ASCC3: variants seen among roughly 807,000 people sequenced by gnomAD.
ASCC3 encodes the protein ASC-1 complex subunit P200.
Under a neutral mutation model 256.3 loss-of-function variants are expected in ASCC3, and 158 were observed. The ratio of observed to expected loss-of-function variants is 0.62; its 90% CI spans 0.54 to 0.70. ASCC3 has a LOEUF of 0.70. ASCC3 is among the 30% of genes least tolerant of loss of function. The pLI, the probability that ASCC3 is intolerant of heterozygous loss-of-function variation, is 0.00. For missense variants in ASCC3, 2,259 were observed against 2,626.0 expected (o/e 0.86, Z 3.05); for synonymous variants, 948 against 883.4 (o/e 1.07, Z -1.30).
intron 8 of ASCC3, among the ~76,000 whole-genome samples, chr6:100,771,019 T>C (rs1781892852): frequency 6.6e-6 from 1 of 152,046 alleles, no homozygotes; most frequent in Admixed American, 6.5e-5. Flanking sequence ...GAGCTAAAAC[T>C]ACCTGATGTC....
In ASCC3 at chr6:100,590,073, A is replaced by C. The variant is rs115212427; in HGVS notation, c.5304-14T>G. The C allele has an allele frequency of 3.1e-3, 4,799 of 1,560,926 alleles. 127 individuals are homozygous for C. The African/African-American group carries it at 0.057, about 18-fold the overall frequency. ...AAATTGTAATAGCTAGAAAACAAGC[A>C]AGGTTATTATTATTTGTTTCAAGAC... On this transcript the variant is annotated splice_polypyrimidine_tract_variant and intron_variant, in intron 34 of 41. Coordinates refer to ENST00000369162, the MANE Select transcript of ASCC3 (RefSeq NM_006828.4).
At chr6:100,657,577 T>C (rs897603216) in intron 16 of ASCC3, among the ~76,000 whole-genome samples, 5 of 151,416 alleles carry the variant, frequency 3.3e-5, no homozygotes, top group African/African-American at 1.2e-4. Context: ...CATTCCCTTA[T>C]AACCTTAGAA....
intron 36 of ASCC3, among the ~76,000 whole-genome samples, chr6:100,547,424 C>T (rs910676750): frequency 6.6e-6 from 1 of 151,770 alleles, no homozygotes; most frequent in Non-Finnish European, 1.5e-5. Context: ...AAATAAAAGC[C>T]ACAGAGTGAA....
chr6:100,561,947 T>C (rs240771), intron 36 of ASCC3, among the ~76,000 whole-genome samples: 103,965 of 152,022 alleles, frequency 0.68, 36,970 homozygotes, highest in African/African-American at 0.88. Context: ...TTGCATTATT[T>C]TTCTGAGTTA....
chr6:100,630,525 T>C (rs1231252690), intron 26 of ASCC3, among the ~76,000 whole-genome samples: 1 of 151,460 alleles, frequency 6.6e-6, no homozygotes, highest in Non-Finnish European at 1.5e-5. Context: ...TCTTTCCGTA[T>C]AAAAAAATTC....
chr6:100,752,192 A>C (rs1052277580), intron 10 of ASCC3, among the ~76,000 whole-genome samples: 20 of 152,184 alleles, frequency 1.3e-4, no homozygotes, highest in African/African-American at 4.8e-4. Context: ...TTTTTAATCC[A>C]ACTCATATTT....
intron 36 of ASCC3, among the ~76,000 whole-genome samples, chr6:100,544,533 A>G (rs1205332921): frequency 6.6e-6 from 1 of 152,072 alleles, no homozygotes; most frequent in Non-Finnish European, 1.5e-5. Context: ...AATAATATGA[A>G]CAGCTTTATG....
chr6:100,728,679 AAATAAACT>A (rs1779752639), intron 10 of ASCC3, among the ~76,000 whole-genome samples: 2 of 152,296 alleles, frequency 1.3e-5, no homozygotes, highest in African/African-American at 4.8e-5. Context: ...CAATAAAAAT[AAATAAACT>A]ATTAAACTAC....
intron 36 of ASCC3, among the ~76,000 whole-genome samples, chr6:100,576,588 T>C (rs1232558054): frequency 6.6e-6 from 1 of 152,052 alleles, no homozygotes; most frequent in Non-Finnish European, 1.5e-5. Context: ...GTTATTTATA[T>C]ATTAACACTT....
chr6:100,534,885 G>C (rs1775087304), intron 37 of ASCC3, among the ~76,000 whole-genome samples: 1 of 152,168 alleles, frequency 6.6e-6, no homozygotes, highest in Non-Finnish European at 1.5e-5. Context: ...AGACTACAGA[G>C]TTTTCATAGT....
At chr6:100,512,604 G>C in intron 40 of ASCC3, 105 bp downstream of exon 40, 2 of 1,189,588 alleles carry the variant, frequency 1.7e-6, no homozygotes, top group Non-Finnish European at 2.5e-6. Context: ...TGAGAAAGCA[G>C]GATTCATGAA....
chr6:100,711,335 A>C (rs1455443530), intron 13 of ASCC3, among the ~76,000 whole-genome samples: 1 of 152,250 alleles, frequency 6.6e-6, no homozygotes, highest in East Asian at 1.9e-4. Flanking sequence ...CTAGATTAAA[A>C]AGATAAAATA....
chr6:100,650,467 G>T, intron 20 of ASCC3, 71 bp downstream of exon 20: 1 of 1,456,250 alleles, frequency 6.9e-7, no homozygotes, highest in Non-Finnish European at 9.6e-7. Context: ...TCATAGCACA[G>T]CATGAATTAA....
At chr6:100,807,634 G>C (rs1770255401) in intron 4 of ASCC3, among the ~76,000 whole-genome samples, 2 of 151,844 alleles carry the variant, frequency 1.3e-5, no homozygotes, top group African/African-American at 4.8e-5. Context: ...AAATAAATTA[G>C]TAATGATTGT....
chr6:100,583,122 CCT>C (rs1470387976), intron 36 of ASCC3, among the ~76,000 whole-genome samples: 2 of 152,110 alleles, frequency 1.3e-5, no homozygotes, highest in Non-Finnish European at 2.9e-5. Flanking sequence ...GGGAGGATTC[CCT>C]CTTTTTCTAT....
At chr6:100,632,769 T>G (rs1774622909) in intron 25 of ASCC3, among the ~76,000 whole-genome samples, 1 of 152,136 alleles carries the variant, frequency 6.6e-6, no homozygotes, top group Non-Finnish European at 1.5e-5. Context: ...AGACTGTATA[T>G]TCACATGTAA....
chr6:100,759,819 T>C (rs1289269200), intron 10 of ASCC3, among the ~76,000 whole-genome samples: 3 of 152,244 alleles, frequency 2.0e-5, no homozygotes, highest in Non-Finnish European at 2.9e-5. Context: ...GTTTGTGTCC[T>C]CTCTTATTTC....
At position 100,650,452 on chromosome 6, in the gene ASCC3, T is replaced by G. The variant is rs765552680; in HGVS notation, c.3252+86A>C. 107 of 1,333,718 alleles carry G rather than the reference T, an allele frequency of 8.0e-5. 1 individual carries two copies. The highest frequency in any genetic ancestry group is 2.9e-5 in the Non-Finnish European group (27 of 930,558). The allele number at this position is 1,333,718 out of a possible 1,614,324, so 82.6% of individuals were successfully genotyped here. A position where few individuals can be genotyped will look rare whatever the true frequency, so the allele number is the denominator to read the frequency against. ...GGTTTGGTAGCATGTCACAAAGCAA[T>G]GCATTCATAGCACAGCATGAATTAA... On this transcript the variant is annotated intron_variant, in intron 20 of 41. Coordinates refer to ENST00000369162, the MANE Select transcript of ASCC3 (RefSeq NM_006828.4).
chr6:100,784,298 C>T (rs1422990401), intron 8 of ASCC3, among the ~76,000 whole-genome samples: 1 of 151,860 alleles, frequency 6.6e-6, no homozygotes, highest in Non-Finnish European at 1.5e-5. Flanking sequence ...ATTTATTGCT[C>T]TTGGTAATGT....
Sources: gnomAD v4.1 joint callset for allele counts (sites outside exome capture counted in the v4.1 genomes callset) on GRCh38, gnomAD v4.1.1 for gene constraint, MANE v1.5 for transcripts, NCBI Gene and HGNC (gene_info 2026-07-23, HGNC 2026-07-21) for gene names.